BSG: variants seen among roughly 807,000 people sequenced by gnomAD.
BSG encodes basigin.
BSG carries 37 observed loss-of-function variants against 43.1 expected under a neutral mutation model. The ratio of observed to expected loss-of-function variants is 0.86; its 90% CI spans 0.66 to 1.13. The LOEUF (loss-of-function observed/expected upper bound fraction) is 1.13. BSG is among the 50% of genes most tolerant of loss of function. BSG has a pLI of 0.00. For missense variants in BSG, 599 were observed against 554.2 expected (o/e 1.08, Z -0.81); for synonymous variants, 309 against 238.7 (o/e 1.29, Z -2.72).
intron 1 of BSG, among the ~76,000 whole-genome samples, chr19:576,452 G>A (rs748208126): frequency 7.9e-5 from 12 of 152,190 alleles, no homozygotes; most frequent in Non-Finnish European, 1.6e-4. Context: ...TTACCAGGAG[G>A]AGATCCCTTT....
intron 1 of BSG, among the ~76,000 whole-genome samples, chr19:576,635 C>T (rs1981794785): frequency 6.6e-6 from 1 of 152,080 alleles, no homozygotes; most frequent in Non-Finnish European, 1.5e-5. Flanking sequence ...GTGGCAGGCA[C>T]CTGTAATCCC....
chr19:579,741 A>G, intron 3 of BSG, 85 bp downstream of exon 3: 1 of 1,514,254 alleles, frequency 6.6e-7, no homozygotes, highest in Non-Finnish European at 8.8e-7. Context: ...TGAGAACAAA[A>G]GACCGGTCGG....
intron 1 of BSG, among the ~76,000 whole-genome samples, chr19:573,648 G>A (rs1981491923): frequency 6.6e-6 from 1 of 152,260 alleles, no homozygotes; most frequent in East Asian, 1.9e-4. Context: ...GTCTCTGAAC[G>A]CCCCTCCTCC....
chr19:576,291 A>G (rs1981766596), intron 1 of BSG, among the ~76,000 whole-genome samples: 1 of 152,166 alleles, frequency 6.6e-6, no homozygotes, highest in Non-Finnish European at 1.5e-5. Context: ...GCAGGTCTGG[A>G]GGATGAGGAG....
chr19:582,821 C>T lies in BSG; in HGVS notation c.*77C>T, dbSNP rs765464465. On this transcript the variant is annotated 3_prime_UTR_variant, in exon 9 of 9. Transcript: ENST00000333511. ...TCCACTCCCAGTGCTTGCAAGATTC[C>T]AAGTTCTCACCTCTTAAAGAAAACC... 15 of 572,266 alleles carry T rather than the reference C, an allele frequency of 2.6e-5. No homozygotes were observed. The highest frequency in any genetic ancestry group is 4.3e-5 in the Non-Finnish European group (14 of 322,518). The allele number at this position is 572,266 out of a possible 1,614,324, so 35.4% of individuals were successfully genotyped here.
At position 582,839 on chromosome 19, in the gene BSG, A is replaced by G; in HGVS notation, c.*95A>G. On this transcript the variant is annotated 3_prime_UTR_variant, in exon 9 of 9. Coordinates refer to ENST00000333511, the MANE Select transcript of BSG (RefSeq NM_001728.4). The stretch of plus-strand genomic sequence containing the variant: ...AAGATTCCAAGTTCTCACCTCTTAA[A>G]GAAAACCCACCCCGTAGATTCCCAT... 1 of 552,780 alleles carries G rather than the reference A, an allele frequency of 1.8e-6. No homozygotes were observed. The highest frequency in any genetic ancestry group is 2.4e-5 in the South Asian group (1 of 41,964). The allele number at this position is 552,780 out of a possible 1,614,324, so 34.2% of individuals were successfully genotyped here. A position where few individuals can be genotyped will look rare whatever the true frequency, so the allele number is the denominator to read the frequency against.
Position 575,647 on chromosome 19 carries a change from G to C in BSG, c.68-2127G>C, listed in dbSNP as rs535755097. Among the ~76,000 whole-genome samples the C allele has an allele frequency of 4.9e-3, 745 of 151,460 alleles. 2 individuals are homozygous for C. The highest frequency in any genetic ancestry group is 0.028 in the Middle Eastern group (8 of 290). On this transcript the variant is annotated intron_variant, in intron 1 of 8. Transcript: ENST00000333511. ...GGGTGGGGGCGGGCAGCCTTATCCT[G>C]CGGGGCTGCTTGTGTACAAGTACCA... is the stretch of plus-strand genomic sequence containing the variant.
intron 6 of BSG, among the ~76,000 whole-genome samples, chr19:581,794 G>T (rs778908884): frequency 5.9e-5 from 9 of 152,250 alleles, no homozygotes; most frequent in Non-Finnish European, 1.2e-4. Context: ...GCGGGACCCC[G>T]GGAGGAGGAG....
chr19:574,866 T>C (rs1981625703), intron 1 of BSG, among the ~76,000 whole-genome samples: 1 of 152,146 alleles, frequency 6.6e-6, no homozygotes, highest in Non-Finnish European at 1.5e-5. Flanking sequence ...TAGGAGCCCA[T>C]GGGTGAGGTG....
At chr19:581,697 A>G (rs891552573) in intron 6 of BSG, 106 bp downstream of exon 6, 1 of 1,386,186 alleles carries the variant, frequency 7.2e-7, no homozygotes, top group African/African-American at 1.4e-5. Context: ...CTTGGAACTG[A>G]GGAGCCCCAG....
intron 8 of BSG, 23 bp from the exon 9 acceptor site, chr19:582,727 T>TGA (rs1377437628): frequency 1.2e-6 from 1 of 858,596 alleles, no homozygotes; most frequent in East Asian, 2.7e-5. Context: ...GGGTCCAGTC[T>TGA]GAGCGCCCCT....
chr19:580,475 C>A lies in BSG; in HGVS notation c.655+14C>A, dbSNP rs368198584. ...TCCAGCTCCACGGTGAGTCCTGCAG[C>A]CAGGGGTACCGGGCACCACCGACTG... On this transcript the variant is annotated intron_variant, in intron 4 of 8. Transcript: ENST00000333511. The A allele has an allele frequency of 6.2e-7, 1 of 1,609,584 alleles. No homozygotes were observed. Among genetic ancestry groups the A allele is most frequent in the Non-Finnish European group, 8.5e-7 (1 of 1,179,760 alleles).
chr19:581,452 C>G lies in BSG; in HGVS notation c.930C>G (p.Asp310Glu), dbSNP rs373977275. ...ACGGCACCAGCTCCAAGGGCTCCGA[C>G]CAGGCCATCATCACGCTCCGCGTGC... The part of the protein sequence containing the change: ...RCNGTSSKGS[D>E]QAIITLRVRS... Residue 310 changes from aspartate (D) to glutamate (E), a missense_variant, in exon 6 of 9, where the codon GAC becomes GAG. Asp to Glu is a conservative substitution (Grantham distance 45). Transcript: ENST00000333511. 8.7e-6 allele frequency: 14 copies of G among 1,611,920 alleles called. No homozygotes were observed. The highest frequency in any genetic ancestry group is 1.2e-5 in the Non-Finnish European group (14 of 1,179,652).
rs774708014 is a variant in BSG at position 579,582 on chromosome 19, C to T, written c.498C>T (p.Val166=). ...TCSLNDSATE[V]TGHRWLKGGV... The stretch of plus-strand genomic sequence containing the variant: ...CCTTGAATGACAGCGCCACAGAGGT[C>T]ACAGGGCACCGCTGGCTGAAGGGGG... Residue 166 remains valine (V), a synonymous_variant, in exon 3 of 9, where the codon GTC becomes GTT. Transcript: ENST00000333511. 2 of 1,612,738 alleles carry T rather than the reference C, an allele frequency of 1.2e-6. No individual in the cohort carries two copies. Among genetic ancestry groups the T allele is most frequent in the South Asian group, 1.1e-5 (1 of 91,088 alleles).
At chr19:579,844 CA>C (rs1982131130) in intron 3 of BSG, 188 bp downstream of exon 3, 1 of 847,828 alleles carries the variant, frequency 1.2e-6, no homozygotes, top group South Asian at 2.0e-5. Flanking sequence ...CCTTGTGAGG[CA>C]GGGGGCTCCA....
rs763717199 is a variant in BSG, at chr19:572,691, C to G, written c.57C>G (p.Ala19=). 4.0e-6 allele frequency: 6 copies of G among 1,486,778 alleles called. No individual in the cohort carries two copies. Among genetic ancestry groups the G allele is most frequent in the Non-Finnish European group, 5.4e-6 (6 of 1,113,758 alleles). 92.1% of individuals were successfully genotyped at this position (1,486,778 alleles called of 1,614,324 possible). Residue 19 remains alanine (A), a synonymous_variant, in exon 1 of 9, where the codon GCC becomes GCG. Coordinates refer to ENST00000333511, the MANE Select transcript of BSG (RefSeq NM_001728.4). ...LGFALLGTHG[A]SGAAGFVQAP... ...TCGCGCTGCTGGGCACCCACGGAGC[C>G]TCCGGGGCTGGTGAGGAGCGGGTAG... is the stretch of plus-strand genomic sequence containing the variant.
At chr19:575,760 C>T (rs980388832) in intron 1 of BSG, among the ~76,000 whole-genome samples, 2 of 152,134 alleles carry the variant, frequency 1.3e-5, no homozygotes, top group African/African-American at 4.8e-5. Flanking sequence ...TGGGTTACGT[C>T]TCATGTGGCC....
intron 1 of BSG, chr19:575,035 T>G (rs912135994): frequency 6.6e-6 from 1 of 152,270 alleles, no homozygotes; most frequent in Non-Finnish European, 1.5e-5. Context: ...GGTTCACAGT[T>G]TTGTTCCTTT....
At position 579,651 on chromosome 19, in the gene BSG, G is replaced by A. The variant is rs1325792468; in HGVS notation, c.567G>A (p.Glu189=). The stretch of plus-strand genomic sequence containing the variant: ...ACGCGCTGCCCGGCCAGAAAACGGA[G>A]TTCAAGTGAGTGCCTGACCACGCCA... ...KEDALPGQKT[E]FKVDSDDQWG... The change falls in exon 3 of 9, where the codon GAG becomes GAA. Residue 189 remains glutamate (E), a synonymous_variant. Coordinates refer to ENST00000333511, the MANE Select transcript of BSG (RefSeq NM_001728.4). The A allele has an allele frequency of 6.2e-7, 1 of 1,607,934 alleles. No individual in the cohort carries two copies. The highest frequency in any genetic ancestry group is 8.5e-7 in the Non-Finnish European group (1 of 1,177,386).
Sources: allele counts gnomAD v4.1 joint callset (sites outside exome capture counted in the v4.1 genomes callset), GRCh38; gene constraint gnomAD v4.1.1; transcripts MANE v1.5; gene names NCBI Gene and HGNC (gene_info 2026-07-23, HGNC 2026-07-21).